STX3: variants seen among roughly 807,000 people sequenced by gnomAD.
STX3 encodes the protein syntaxin-3.
STX3 carries 19 observed loss-of-function variants against 40.2 expected under a neutral mutation model. The ratio of observed to expected loss-of-function variants is 0.47; its 90% CI spans 0.33 to 0.69. The LOEUF (loss-of-function observed/expected upper bound fraction) is 0.69, where lower values mean the gene tolerates loss of function less well. Among genes scored for constraint, STX3 ranks in the 30% least tolerant of loss-of-function variants. The pLI, the probability that STX3 is intolerant of heterozygous loss-of-function variation, is 0.02. For missense variants in STX3, 364 were observed against 366.7 expected, an observed-to-expected ratio of 0.99 and a Z score of 0.06; for synonymous variants, 122 against 132.2, an observed-to-expected ratio of 0.92 and a Z score of 0.53.
At chr11:59,765,728 C>G (rs1298780739) in intron 1 of STX3, among the ~76,000 whole-genome samples, 3 of 152,150 alleles carry the variant, frequency 2.0e-5, no homozygotes, top group Admixed American at 2.0e-4. Context: ...CACTTGAACA[C>G]AGGAGGCAGA....
intron 9 of STX3, among the ~76,000 whole-genome samples, chr11:59,796,154 C>A (rs1438490146): frequency 6.6e-6 from 1 of 152,228 alleles, no homozygotes; most frequent in African/African-American, 2.4e-5. Context: ...TATGTCATAT[C>A]TGATGGAGCA....
In STX3 at chr11:59,792,198, A is replaced by T; in HGVS notation, c.449A>T (p.Gln150Leu). 2 of 1,613,912 alleles carry T rather than the reference A, an allele frequency of 1.2e-6. No individual in the cohort carries two copies. The highest frequency in any genetic ancestry group is 1.7e-6 in the Non-Finnish European group (2 of 1,180,016). Residue 150 changes from glutamine to leucine, a missense_variant, in exon 6 of 11, where the codon CAG (glutamine) becomes CTG (leucine). Physicochemically the swap from Gln to Leu is moderately radical, Grantham distance 113. Transcript: ENST00000337979. ...DFRERSKGRI[Q>L]RQLEITGKKT... ...CGAGAACGCAGCAAAGGGCGAATCC[A>T]GCGGCAGCTCGAAATTAGTATGTAC...
chr11:59,793,007 T>C (rs1372272600), intron 6 of STX3, 92 bp from the exon 7 acceptor site: 5 of 1,287,042 alleles, frequency 3.9e-6, no homozygotes, highest in African/African-American at 1.5e-5. Context: ...ACGGTCTTTA[T>C]AGGGAAGTCA....
At position 59,800,413 on chromosome 11, in the gene STX3, A is replaced by G. The variant is rs478935; in HGVS notation, c.*31-442A>G. ...GCTCATAAGGTGGAGCAGCCATAAT[A>G]TGACCCCTGAACTTTTTCCATAGGC... On this transcript the variant is annotated intron_variant, in intron 10 of 10. Transcript: ENST00000337979. The G allele has an allele frequency of 2.6e-3, 2,611 of 985,406 alleles. 49 individuals carry two copies. The African/African-American group carries it at 0.042, about 16-fold the overall frequency. 61.0% of individuals were successfully genotyped at this position (985,406 alleles called of 1,614,324 possible). A position where few individuals can be genotyped will look rare whatever the true frequency, so the allele number is the denominator to read the frequency against.
At chr11:59,757,123 C>T (rs1565158440) in intron 1 of STX3, among the ~76,000 whole-genome samples, 1 of 152,076 alleles carries the variant, frequency 6.6e-6, no homozygotes, top group African/African-American at 2.4e-5. Context: ...ATTTATTGCC[C>T]CTGTTTTTAT....
intron 2 of STX3, among the ~76,000 whole-genome samples, chr11:59,781,103 T>A (rs79290408): frequency 2.3e-4 from 33 of 146,242 alleles, no homozygotes; most frequent in African/African-American, 8.7e-4. Flanking sequence ...TTTTTTTTTA[T>A]ATTAGCACAA....
chr11:59,783,105 T>G lies in STX3; in HGVS notation c.115-3932T>G, dbSNP rs368619997. ...AAAAAACACTTTTAGATGTCAACAC[T>G]TGGTCAGCAATACTTCTTGAGGGCT... On this transcript the variant is annotated intron_variant, in intron 2 of 10. Transcript: ENST00000337979. Among the ~76,000 whole-genome samples the G allele has an allele frequency of 3.9e-5, 6 of 152,312 alleles. No homozygotes were observed. In the South Asian group the frequency reaches 1.0e-3, roughly 26 times the overall value.
rs1042937788 is a variant in STX3, at chr11:59,766,636, ATGT to A, written c.31-6571_31-6569del. 4.6e-5 allele frequency among the ~76,000 whole-genome samples: 7 copies of A among 152,210 alleles called. No homozygotes were observed. The South Asian group carries it at 6.2e-4, about 14-fold the overall frequency. On this transcript the variant is annotated intron_variant, in intron 1 of 10. Transcript: ENST00000337979. The stretch of plus-strand genomic sequence containing the variant: ...GATGAGAAAGGCTTAATGGAAACAA[ATGT>A]TGTCCCCAAAGGGCCACAGCTCCAC...
chr11:59,767,785 T>C (rs1171237308), intron 1 of STX3, among the ~76,000 whole-genome samples: 1 of 152,234 alleles, frequency 6.6e-6, no homozygotes, highest in Non-Finnish European at 1.5e-5. Context: ...TTATTTCATT[T>C]TGGGCCTTGG....
At chr11:59,761,770 T>C (rs1287167604) in intron 1 of STX3, among the ~76,000 whole-genome samples, 1 of 151,814 alleles carries the variant, frequency 6.6e-6, no homozygotes, top group East Asian at 1.9e-4. Flanking sequence ...AAATACTGTC[T>C]GGTTATGTTC....
At chr11:59,796,820 A>G (rs1314063906) in intron 9 of STX3, among the ~76,000 whole-genome samples, 1 of 152,118 alleles carries the variant, frequency 6.6e-6, no homozygotes, top group Non-Finnish European at 1.5e-5. Context: ...AGAAATTTAA[A>G]CTGTCCTAGG....
chr11:59,786,291 G>T (rs1287345), intron 2 of STX3, among the ~76,000 whole-genome samples: 16 of 147,948 alleles, frequency 1.1e-4, no homozygotes, highest in African/African-American at 4.0e-4. Flanking sequence ...CCAGGCTGGA[G>T]TGCAGTGGTG....
intron 1 of STX3, among the ~76,000 whole-genome samples, chr11:59,765,375 G>T (rs1052415962): frequency 6.6e-6 from 1 of 152,192 alleles, no homozygotes; most frequent in African/African-American, 2.4e-5. Flanking sequence ...ATGTTGGGCA[G>T]TGTGCACATG....
intron 1 of STX3, among the ~76,000 whole-genome samples, chr11:59,761,912 C>T (rs1478635599): frequency 6.6e-6 from 1 of 152,026 alleles, no homozygotes; most frequent in East Asian, 1.9e-4. Context: ...GTCTAGTCCT[C>T]TCCTGGTTCC....
At chr11:59,797,423 C>T in intron 10 of STX3, 27 bp downstream of exon 10, 1 of 1,566,040 alleles carries the variant, frequency 6.4e-7, no homozygotes, top group Admixed American at 1.7e-5. Flanking sequence ...TTCTTGGGGA[C>T]TCTGGATTTG....
chr11:59,774,923 A>G (rs1321620010), intron 2 of STX3, among the ~76,000 whole-genome samples: 1 of 152,156 alleles, frequency 6.6e-6, no homozygotes, highest in Non-Finnish European at 1.5e-5. Flanking sequence ...TGATAATTCA[A>G]AAAACAAAAA....
At chr11:59,796,502 A>T (rs1865525389) in intron 9 of STX3, among the ~76,000 whole-genome samples, 1 of 152,156 alleles carries the variant, frequency 6.6e-6, no homozygotes, top group South Asian at 2.1e-4. Flanking sequence ...GGGGACTGGG[A>T]AGTTATTTTA....
chr11:59,776,600 A>T (rs1390291915), intron 2 of STX3, among the ~76,000 whole-genome samples: 1 of 152,220 alleles, frequency 6.6e-6, no homozygotes, highest in African/African-American at 2.4e-5. Context: ...AGCACTCTTG[A>T]TAAAACTTAC....
Position 59,803,971 on chromosome 11 carries a change from C to A in STX3, c.*3147C>A, listed in dbSNP as rs1865991254. The A allele has an allele frequency of 6.5e-6, 1 of 153,076 alleles. No individual in the cohort carries two copies. Among genetic ancestry groups the A allele is most frequent in the Non-Finnish European group, 1.5e-5 (1 of 68,066 alleles). 9.5% of individuals were successfully genotyped at this position (153,076 alleles called of 1,614,324 possible). A position where few individuals can be genotyped will look rare whatever the true frequency, so the allele number is the denominator to read the frequency against. The stretch of plus-strand genomic sequence containing the variant: ...ACTTCTTAAGAAACAGGGCACCAAT[C>A]AACTACTTATTAAGAATTATGCAAA... On this transcript the variant is annotated 3_prime_UTR_variant, in exon 11 of 11. Coordinates refer to ENST00000337979, the MANE Select transcript of STX3 (RefSeq NM_004177.5).
Sources: allele counts gnomAD v4.1 joint callset (sites outside exome capture counted in the v4.1 genomes callset), GRCh38; gene constraint gnomAD v4.1.1; transcripts MANE v1.5; gene names NCBI Gene and HGNC (gene_info 2026-07-23, HGNC 2026-07-21).